DAPK3: variants seen among roughly 807,000 people sequenced by gnomAD.
DAPK3 encodes the protein death-associated protein kinase 3.
A neutral mutation model predicts 30.6 loss-of-function variants in DAPK3; 24 were observed. That is an observed-to-expected ratio of 0.78 (90% confidence interval 0.57 to 1.10). DAPK3 has a LOEUF of 1.10. Ranked by LOEUF, DAPK3 falls within the 50% of genes least tolerant of loss-of-function variation. The probability of loss-of-function intolerance (pLI) is 0.00; values close to 1 mark genes in which losing one functional copy is unlikely to be tolerated. For synonymous variants in DAPK3, 341 were observed against 284.0 expected (o/e 1.20, Z -2.02); for missense variants, 629 against 657.3 (o/e 0.96, Z 0.47).
chr19:3,959,940 C>A, intron 8 of DAPK3, 119 bp downstream of exon 8: 1 of 765,008 alleles, frequency 1.3e-6, no homozygotes, highest in African/African-American at 1.7e-5. Flanking sequence ...CCTCTGGGGA[C>A]CCTCCCCAGC....
At position 3,958,477 on chromosome 19, in the gene DAPK3, C is replaced by A; in HGVS notation, c.*624G>T. The A allele has an allele frequency of 2.2e-6, 1 of 456,406 alleles. No homozygotes were observed. Among genetic ancestry groups the A allele is most frequent in the Non-Finnish European group, 4.4e-6 (1 of 227,028 alleles). The allele number at this position is 456,406 out of a possible 1,614,324, so 28.3% of individuals were successfully genotyped here. A position where few individuals can be genotyped will look rare whatever the true frequency, so the allele number is the denominator to read the frequency against. On this transcript the variant is annotated 3_prime_UTR_variant, in exon 9 of 9. Transcript: ENST00000545797. Reference sequence around the variant, plus strand: ...GTATCTGGAAGCCAGTATTTTATTTCTCTTGGCTGCAGAGGGCCGCTCTTG... The same window carrying A: ...GTATCTGGAAGCCAGTATTTTATTTATCTTGGCTGCAGAGGGCCGCTCTTG...
In DAPK3 at chr19:3,960,972, C is replaced by T. The variant is rs763104252; in HGVS notation, c.782+37G>A. ...CCGTGGGTGGAGTGGGCCTGTGTCC[C>T]ATGTCCCACCCCGTGCCCCCTGCCG... is the stretch of plus-strand genomic sequence containing the variant. On this transcript the variant is annotated intron_variant, in intron 7 of 8. Coordinates refer to ENST00000545797, the MANE Select transcript of DAPK3 (RefSeq NM_001348.3). 7 of 1,607,322 alleles carry T rather than the reference C, an allele frequency of 4.4e-6. No homozygotes were observed. In the African/African-American group the frequency reaches 9.4e-5, roughly 21 times the overall value.
Position 3,964,317 on chromosome 19 carries a change from G to A in DAPK3, c.480C>T (p.Ile160=), listed in dbSNP as rs771900298. 9.3e-6 allele frequency: 15 copies of A among 1,613,028 alleles called. No individual in the cohort carries two copies. Among genetic ancestry groups the A allele is most frequent in the Middle Eastern group, 1.6e-4 (1 of 6,082 alleles). ...KNVPNPRIKL[I]DFGIAHKIEA... ...CGATCTTGTGCGCGATGCCGAAGTC[G>A]ATGAGCTTGATTCGTGGGTTGGGCA... The change falls in exon 4 of 9, where the codon ATC becomes ATT. Residue 160 remains isoleucine, a synonymous_variant. Coordinates refer to ENST00000545797, the MANE Select transcript of DAPK3 (RefSeq NM_001348.3).
intron 8 of DAPK3, 95 bp from the exon 9 acceptor site, chr19:3,959,732 C>A: frequency 7.4e-7 from 1 of 1,357,222 alleles, no homozygotes; most frequent in Non-Finnish European, 9.8e-7. Flanking sequence ...AGGGGCTCAT[C>A]CGGCAGCAGA....
Position 3,958,693 on chromosome 19 carries a change from G to A in DAPK3, c.*408C>T, listed in dbSNP as rs1397949503. ...CTCCCCGTCCCACGACCTCCTCCTG[G>A]GCTAATGGCAGCAACAGGCAGCACC... On this transcript the variant is annotated 3_prime_UTR_variant, in exon 9 of 9. Transcript: ENST00000545797. 9 of 370,860 alleles carry A rather than the reference G, an allele frequency of 2.4e-5. No individual in the cohort carries two copies. Among genetic ancestry groups the A allele is most frequent in the East Asian group, 7.2e-5 (1 of 13,906 alleles). 23.0% of individuals were successfully genotyped at this position (370,860 alleles called of 1,614,324 possible). A position where few individuals can be genotyped will look rare whatever the true frequency, so the allele number is the denominator to read the frequency against.
chr19:3,968,385 C>T (rs1451692187), intron 2 of DAPK3, among the ~76,000 whole-genome samples: 1 of 151,914 alleles, frequency 6.6e-6, no homozygotes, highest in African/African-American at 2.4e-5. Flanking sequence ...ATCCCAGCTA[C>T]TCGGGAGGCT....
rs190789497 is a variant in DAPK3, at chr19:3,965,121, C to T, written c.63-130G>A. 1,983 of 619,004 alleles carry T rather than the reference C, an allele frequency of 3.2e-3. 10 individuals are homozygous for T. The highest frequency in any genetic ancestry group is 0.01 in the South Asian group (542 of 53,608). The allele number at this position is 619,004 out of a possible 1,614,324, so 38.3% of individuals were successfully genotyped here. A position where few individuals can be genotyped will look rare whatever the true frequency, so the allele number is the denominator to read the frequency against. On this transcript the variant is annotated intron_variant, in intron 2 of 8. Coordinates refer to ENST00000545797, the MANE Select transcript of DAPK3 (RefSeq NM_001348.3). The stretch of plus-strand genomic sequence containing the variant: ...GCACCAGGCACTTGAAGGACATGAG[C>T]TGGCCACTGCGGGGGTGCAGACTCT...
At chr19:3,964,569 C>CG in intron 3 of DAPK3, 62 bp downstream of exon 3, 13 of 966,662 alleles carry the variant, frequency 1.3e-5, no homozygotes, top group Non-Finnish European at 1.9e-5. Context: ...CCAGGCTCTT[C>CG]CCCGCCCCAT....
At position 3,960,994 on chromosome 19, in the gene DAPK3, G is replaced by A; in HGVS notation, c.782+15C>T. ...TCCCATGTCCCACCCCGTGCCCCCT[G>A]CCGGCCCCTCGTACTTGGGATCTTT... On this transcript the variant is annotated intron_variant, in intron 7 of 8. Transcript: ENST00000545797. 1 of 1,612,142 alleles carries A rather than the reference G, an allele frequency of 6.2e-7. No homozygotes were observed. The highest frequency in any genetic ancestry group is 1.1e-5 in the South Asian group (1 of 91,032).
At position 3,959,467 on chromosome 19, in the gene DAPK3, C is replaced by T. The variant is rs1450992109; in HGVS notation, c.999G>A (p.Ala333=). The change falls in exon 9 of 9, where the codon GCG becomes GCA. Residue 333 remains alanine, a synonymous_variant. Coordinates refer to ENST00000545797, the MANE Select transcript of DAPK3 (RefSeq NM_001348.3). Reference sequence around the variant, plus strand: ...GCTCGCGCAGGCCCTCCTCGGCGGCCGCCGCCTCCTCCAGCACCTTGGAGA... The same window carrying T: ...GCTCGCGCAGGCCCTCCTCGGCGGCTGCCGCCTCCTCCAGCACCTTGGAGA... ...ERFSKVLEEA[A]AAEEGLRELQ... is the part of the protein sequence containing the mutation. The T allele has an allele frequency of 2.0e-5, 31 of 1,546,190 alleles. No homozygotes were observed. The highest frequency in any genetic ancestry group is 2.6e-5 in the Non-Finnish European group (30 of 1,152,734).
chr19:3,961,459 T>G, intron 6 of DAPK3: 2 of 561,816 alleles, frequency 3.6e-6, no homozygotes. Context: ...CAGTGCTCAG[T>G]AACGCCGAGG....
chr19:3,964,203 A>T (rs770425646), intron 4 of DAPK3, 41 bp downstream of exon 4: 1 of 1,549,602 alleles, frequency 6.5e-7, no homozygotes, highest in East Asian at 2.3e-5. Flanking sequence ...GCCCCAGACC[A>T]CCCTCCCCAG....
chr19:3,961,572 G>C (rs1220777201), intron 6 of DAPK3: 5 of 474,346 alleles, frequency 1.1e-5, no homozygotes, highest in South Asian at 7.7e-5. Flanking sequence ...CTCCCAGCCT[G>C]ACGCTGGGAG....
At position 3,959,180 on chromosome 19, in the gene DAPK3, G is replaced by A. The variant is rs1025302295; in HGVS notation, c.1286C>T (p.Ser429Phe). The A allele has an allele frequency of 1.9e-6, 3 of 1,597,662 alleles. No individual in the cohort carries two copies. The highest frequency in any genetic ancestry group is 2.7e-5 in the African/African-American group (2 of 74,804). Residue 429 changes from serine to phenylalanine, a missense_variant, in exon 9 of 9, where the codon TCC becomes TTC. Around this residue, in one of 2 missense-constraint regions of DAPK3, gnomAD observed 323 missense variants for 278.8 expected, o/e 1.16. Transcript: ENST00000545797. ...GAGGTCCTGCACGAAGCGCATCTCGGAGGCTACTTGCTTGGCCAGCGCCTC... is the reference window on the plus strand; with the variant it reads ...GAGGTCCTGCACGAAGCGCATCTCGAAGGCTACTTGCTTGGCCAGCGCCTC... ...RYEALAKQVA[S>F]EMRFVQDLVR... is the part of the protein sequence containing the mutation.
rs927369485 is a variant in DAPK3 at position 3,958,880 on chromosome 19, G to A, written c.*221C>T. The A allele has an allele frequency of 5.2e-6, 3 of 581,426 alleles. No homozygotes were observed. Among genetic ancestry groups the A allele is most frequent in the East Asian group, 2.9e-5 (1 of 34,444 alleles). 36.0% of individuals were successfully genotyped at this position (581,426 alleles called of 1,614,324 possible). A position where few individuals can be genotyped will look rare whatever the true frequency, so the allele number is the denominator to read the frequency against. ...TCACCGACGATGCAGGGGTGAAGGT[G>A]AAGGCCAGCGTGGAGGCTGTGTAGA... On this transcript the variant is annotated 3_prime_UTR_variant, in exon 9 of 9. Transcript: ENST00000545797.
rs552081970 is a variant in DAPK3 at position 3,959,436 on chromosome 19, G to A, written c.1030C>T (p.Arg344Cys). The A allele has an allele frequency of 9.0e-6, 14 of 1,549,178 alleles. No homozygotes were observed. The highest frequency in any genetic ancestry group is 1.4e-5 in the African/African-American group (1 of 74,032). The stretch of plus-strand genomic sequence containing the variant: ...TCCTCGTGGCAGAGCCGCCGGCTGC[G>A]CTGCAGCTCGCGCAGGCCCTCCTCG... Reference protein sequence around the residue: ...AAEEGLRELQRSRRLCHEDVE... With the variant: ...AAEEGLRELQCSRRLCHEDVE... The change falls in exon 9 of 9, where the codon CGC (arginine) becomes TGC (cysteine). Residue 344 changes from arginine (R) to cysteine (C), a missense_variant. Transcript: ENST00000545797.
intron 6 of DAPK3, among the ~76,000 whole-genome samples, chr19:3,962,514 AC>A (rs1361207048): frequency 5.3e-5 from 8 of 151,698 alleles, no homozygotes; most frequent in Admixed American, 2.6e-4. Flanking sequence ...GGTGGCTCAC[AC>A]CTGTCATCCC....
intron 6 of DAPK3, among the ~76,000 whole-genome samples, chr19:3,963,121 C>G (rs1157339983): frequency 6.7e-6 from 1 of 149,420 alleles, no homozygotes; most frequent in East Asian, 1.9e-4. Flanking sequence ...AAAAAAAGTC[C>G]GAGCATGGGA....
intron 6 of DAPK3, chr19:3,961,721 G>A: frequency 2.9e-6 from 1 of 347,664 alleles, no homozygotes; most frequent in South Asian, 2.1e-5. Context: ...ACAAGTCAGG[G>A]TCAAGGTCAT....
Sources: allele counts gnomAD v4.1 joint callset (sites outside exome capture counted in the v4.1 genomes callset), GRCh38; gene constraint gnomAD v4.1.1; regional missense constraint gnomAD v4.1.1; transcripts MANE v1.5; gene names NCBI Gene and HGNC (gene_info 2026-07-23, HGNC 2026-07-21).